Variants in ATP2A3 observed in about 807,000 individuals in gnomAD.
The protein encoded by ATP2A3 is ATPase sarcoplasmic/endoplasmic reticulum Ca2+ transporting 3.
Under a neutral mutation model 106.8 loss-of-function variants are expected in ATP2A3, and 61 were observed. The observed-to-expected ratio is 0.57, with a 90% CI of 0.46 to 0.71. ATP2A3 has a LOEUF of 0.71. Among genes scored for constraint, ATP2A3 ranks in the 30% least tolerant of loss-of-function variants. The probability of loss-of-function intolerance (pLI) is 0.00; values close to 1 mark genes in which losing one functional copy is unlikely to be tolerated. For synonymous variants in ATP2A3, 611 were observed against 609.3 expected, an observed-to-expected ratio of 1.00 and a Z score of -0.04; for missense variants, 1,201 against 1,423.5, an observed-to-expected ratio of 0.84 and a Z score of 2.52.
intron 12 of ATP2A3, among the ~76,000 whole-genome samples, chr17:3,942,338 G>C (rs573104277): frequency 9.8e-5 from 15 of 152,306 alleles, no homozygotes; most frequent in African/African-American, 3.4e-4. Flanking sequence ...TTCTCTCTTC[G>C]GTTTTGGGAG....
intron 17 of ATP2A3, among the ~76,000 whole-genome samples, chr17:3,932,759 G>C (rs546990826): frequency 1.3e-5 from 2 of 151,082 alleles, no homozygotes; most frequent in Non-Finnish European, 2.9e-5. Context: ...TGATCATAGA[G>C]AAGGGAAAAC....
At position 3,936,270 on chromosome 17, in the gene ATP2A3, C is replaced by T. The variant is rs1391263547; in HGVS notation, c.2521G>A (p.Gly841Arg). Residue 841 changes from glycine to arginine, a missense_variant, in exon 16 of 21, where the codon GGA becomes AGA. Around this residue, in one of 2 missense-constraint regions of ATP2A3, gnomAD observed 935 missense variants for 1,176.7 expected, o/e 0.79. Transcript: ENST00000397041. The surrounding 1 kb of genome is among the most constrained non-coding windows in gnomAD (Gnocchi z 5.4). The stretch of plus-strand genomic sequence containing the variant: ...GGAGGGCTCAGGCCCCACTCACCTC[C>T]GATAGCCAGGTATCGGAAGAAGAGC... The part of the protein sequence containing the change: ...GWLFFRYLAI[G>R]VYVGLATVAA... 2 of 1,613,826 alleles carry T rather than the reference C, an allele frequency of 1.2e-6. No individual in the cohort carries two copies. The highest frequency in any genetic ancestry group is 1.7e-6 in the Non-Finnish European group (2 of 1,179,952).
intron 14 of ATP2A3, among the ~76,000 whole-genome samples, chr17:3,939,790 A>T (rs1162354492): frequency 0.012 from 1,739 of 145,610 alleles, 108 homozygotes; most frequent in African/African-American, 0.043. Flanking sequence ...TCTGTCTAAA[A>T]AAAAAAAAAA....
intron 17 of ATP2A3, among the ~76,000 whole-genome samples, chr17:3,931,529 T>C (rs939202691): frequency 2.3e-5 from 3 of 130,376 alleles, no homozygotes; most frequent in Admixed American, 7.0e-5. Context: ...TTTTCTTTTT[T>C]TTTTTTTTTT....
In ATP2A3 at chr17:3,925,369, T is replaced by C. The variant is rs768375080; in HGVS notation, c.*53A>G. The C allele has an allele frequency of 4.3e-6, 7 of 1,613,694 alleles. No individual in the cohort carries two copies. Among genetic ancestry groups the C allele is most frequent in the Non-Finnish European group, 5.9e-6 (7 of 1,179,886 alleles). ...AGGGTGGGGGGCGGAGGCGAACACA[T>C]GGGCACCATCAGTCTGAGGTACACA... On this transcript the variant is annotated 3_prime_UTR_variant, in exon 21 of 21. Coordinates refer to ENST00000397041, the MANE Select transcript of ATP2A3 (RefSeq NM_005173.4). This position sits in a 1 kb window ranked among gnomAD's most constrained non-coding sequence, Gnocchi z 4.2.
intron 16 of ATP2A3, 80 bp from the exon 17 acceptor site, chr17:3,935,357 G>T: frequency 7.2e-7 from 1 of 1,390,570 alleles, no homozygotes; most frequent in Non-Finnish European, 1.0e-6. Context: ...ATAATTCCCT[G>T]AATTCCCTGC....
Position 3,936,374 on chromosome 17 carries a change from G to A in ATP2A3, c.2417C>T (p.Ala806Val), listed in dbSNP as rs367643522. Residue 806 changes from alanine to valine, a missense_variant, in exon 16 of 21, where the codon GCT (alanine) becomes GTT (valine). Ala to Val is a moderately conservative substitution (Grantham distance 64). Around this residue, in one of 2 missense-constraint regions of ATP2A3, gnomAD observed 935 missense variants for 1,176.7 expected, o/e 0.79. Transcript: ENST00000397041. This position sits in a 1 kb window ranked among gnomAD's most constrained non-coding sequence, Gnocchi z 5.4. ...CAGGTCTGGCGGGTTGAAGCCCAGA[G>A]CCGTGGCAGGTAGGCCGTCTGTCAC... The part of the protein sequence containing the change: ...NLVTDGLPAT[A>V]LGFNPPDLDI... 5.6e-6 allele frequency: 9 copies of A among 1,614,048 alleles called. No individual in the cohort carries two copies. Among genetic ancestry groups the A allele is most frequent in the African/African-American group, 1.3e-5 (1 of 74,940 alleles).
At position 3,953,244 on chromosome 17, in the gene ATP2A3, G is replaced by A. The variant is rs996859420; in HGVS notation, c.219+103C>T. The A allele has an allele frequency of 1.2e-5, 16 of 1,310,574 alleles. No individual in the cohort carries two copies. Among genetic ancestry groups the A allele is most frequent in the Non-Finnish European group, 1.7e-5 (15 of 905,544 alleles). 81.2% of individuals were successfully genotyped at this position (1,310,574 alleles called of 1,614,324 possible). ...GAAGGCCAGGGCGCAGGCCCAGGGT[G>A]TGGAGGACAGGCCCAGGCTCCAGGA... is the stretch of plus-strand genomic sequence containing the variant. On this transcript the variant is annotated intron_variant, in intron 3 of 20. Transcript: ENST00000397041. This position sits in a 1 kb window ranked among gnomAD's most constrained non-coding sequence, Gnocchi z 5.1.
At chr17:3,954,926 G>T (rs2054681541) in intron 1 of ATP2A3, among the ~76,000 whole-genome samples, 1 of 152,208 alleles carries the variant, frequency 6.6e-6, no homozygotes, top group South Asian at 2.1e-4. Flanking sequence ...TTCCTGCCCT[G>T]CTTCACAGAC....
chr17:3,953,490 T>C lies in ATP2A3; in HGVS notation c.137-61A>G. The stretch of plus-strand genomic sequence containing the variant: ...ACCACTGACCCTGCCCACTCAGAGC[T>C]GGGATGGCCCGGGAGACCTCCCGGC... On this transcript the variant is annotated intron_variant, in intron 2 of 20. Coordinates refer to ENST00000397041, the MANE Select transcript of ATP2A3 (RefSeq NM_005173.4). This position sits in a 1 kb window ranked among gnomAD's most constrained non-coding sequence, Gnocchi z 5.1. 1 of 1,586,838 alleles carries C rather than the reference T, an allele frequency of 6.3e-7. No homozygotes were observed. Among genetic ancestry groups the C allele is most frequent in the East Asian group, 2.2e-5 (1 of 44,638 alleles).
intron 17 of ATP2A3, among the ~76,000 whole-genome samples, chr17:3,934,722 C>T (rs2053324650): frequency 1.3e-5 from 2 of 151,740 alleles, no homozygotes; most frequent in African/African-American, 4.8e-5. Context: ...CGGGGTTTCA[C>T]CTCGTTGGAC....
intron 1 of ATP2A3, among the ~76,000 whole-genome samples, chr17:3,956,859 G>A (rs567787483): frequency 6.6e-6 from 1 of 152,354 alleles, no homozygotes; most frequent in South Asian, 2.1e-4. Flanking sequence ...CGCCCACCTG[G>A]GGAGGCCTGA....
Position 3,955,130 on chromosome 17 carries a change from A to G in ATP2A3, c.119-1420T>C, listed in dbSNP as rs1370043547. 2.6e-5 allele frequency among the ~76,000 whole-genome samples: 4 copies of G among 152,176 alleles called. No homozygotes were observed. Among genetic ancestry groups the G allele is most frequent in the Admixed American group, 2.6e-4 (4 of 15,286 alleles). ...TTGCCACTCAAAGGACAGTCTCCGG[A>G]CATCTGTGGCATCTCCCCGAAGCTC... On this transcript the variant is annotated intron_variant, in intron 1 of 20. Coordinates refer to ENST00000397041, the MANE Select transcript of ATP2A3 (RefSeq NM_005173.4). The surrounding 1 kb of genome is among the most constrained non-coding windows in gnomAD (Gnocchi z 4.2).
chr17:3,947,361 C>T lies in ATP2A3; in HGVS notation c.1095+30G>A, dbSNP rs2054169678. On this transcript the variant is annotated intron_variant, in intron 8 of 20. Coordinates refer to ENST00000397041, the MANE Select transcript of ATP2A3 (RefSeq NM_005173.4). The surrounding 1 kb of genome is among the most constrained non-coding windows in gnomAD (Gnocchi z 7.7). ...AGGGAGCCCAGCCTGCTCTGCAACGCACAGCAACACCAAGCTGGCCGTCAC... is the reference window on the plus strand; with the variant it reads ...AGGGAGCCCAGCCTGCTCTGCAACGTACAGCAACACCAAGCTGGCCGTCAC... 1 of 1,613,014 alleles carries T rather than the reference C, an allele frequency of 6.2e-7. No homozygotes were observed. Among genetic ancestry groups the T allele is most frequent in the Non-Finnish European group, 8.5e-7 (1 of 1,179,792 alleles).
In ATP2A3 at chr17:3,939,238, A is replaced by T. The variant is rs188069300; in HGVS notation, c.2101-1602T>A. ...CAGGGACAAAGTCAGCACAGAGGTCAAAGATAAGATCAAGAACCAGGCTGC... is the reference window on the plus strand; with the variant it reads ...CAGGGACAAAGTCAGCACAGAGGTCTAAGATAAGATCAAGAACCAGGCTGC... On this transcript the variant is annotated intron_variant, in intron 14 of 20. Coordinates refer to ENST00000397041, the MANE Select transcript of ATP2A3 (RefSeq NM_005173.4). Among the ~76,000 whole-genome samples the T allele has an allele frequency of 6.5e-4, 99 of 152,294 alleles. 1 individual carries two copies. Among genetic ancestry groups the T allele is most frequent in the African/African-American group, 2.3e-3 (96 of 41,554 alleles).
Position 3,951,572 on chromosome 17 carries a change from G to A in ATP2A3, c.324+9C>T. 4 of 1,070,580 alleles carry A rather than the reference G, an allele frequency of 3.7e-6. No individual in the cohort carries two copies. Among genetic ancestry groups the A allele is most frequent in the Non-Finnish European group, 2.7e-6 (2 of 753,416 alleles). 66.3% of individuals were successfully genotyped at this position (1,070,580 alleles called of 1,614,324 possible). ...CCCCCCGCCCGGTCCCACCCCCAGT[G>A]CCTCCCACCTGCCACACGCCCACAA... On this transcript the variant is annotated intron_variant, in intron 4 of 20. Coordinates refer to ENST00000397041, the MANE Select transcript of ATP2A3 (RefSeq NM_005173.4).
rs370241571 is a variant in ATP2A3, at chr17:3,953,766, C to T, written c.119-56G>A. On this transcript the variant is annotated intron_variant, in intron 1 of 20. Transcript: ENST00000397041. The surrounding 1 kb of genome is among the most constrained non-coding windows in gnomAD (Gnocchi z 5.1). ...GAGGAGACAAGAGAGGAGTGGGTCA[C>T]GCAGGGGCCTCGGGGGAGTCTGGCA... 3,840 of 1,553,400 alleles carry T rather than the reference C, an allele frequency of 2.5e-3. 9 individuals carry two copies. Among genetic ancestry groups the T allele is most frequent in the Middle Eastern group, 5.1e-3 (30 of 5,916 alleles).
At chr17:3,944,977 G>T (rs2054023700) in intron 9 of ATP2A3, 83 bp downstream of exon 9, 1 of 1,306,074 alleles carries the variant, frequency 7.7e-7, no homozygotes, top group East Asian at 3.3e-5. Flanking sequence ...GCCCCCAGGG[G>T]CCTCCCACGG....
At chr17:3,951,214 AAAT>A (rs905022618) in intron 5 of ATP2A3, 34 bp downstream of exon 5, 2 of 1,296,814 alleles carry the variant, frequency 1.5e-6, no homozygotes, top group African/African-American at 3.1e-5. Context: ...TAAATAAATA[AAAT>A]AAAATAAAAT....
Sources: gnomAD v4.1 joint callset for allele counts (sites outside exome capture counted in the v4.1 genomes callset) on GRCh38, gnomAD v4.1.1 for gene constraint, gnomAD v4.1.1 regional missense constraint, Gnocchi (gnomAD v3.1) non-coding constraint, MANE v1.5 for transcripts, NCBI Gene and HGNC (gene_info 2026-07-23, HGNC 2026-07-21) for gene names.